The following KLHL8 variants were observed in gnomAD, a reference collection of about 807,000 sequenced individuals.
KLHL8 encodes the protein kelch-like protein 8.
Under a neutral mutation model 63.5 loss-of-function variants are expected in KLHL8, and 38 were observed. The ratio of observed to expected loss-of-function variants is 0.60; its 90% CI spans 0.46 to 0.78. The LOEUF (loss-of-function observed/expected upper bound fraction) is 0.78, where lower values mean the gene tolerates loss of function less well. KLHL8 is among the 30% of genes least tolerant of loss of function. The pLI is 0.00. For synonymous variants in KLHL8, 224 were observed against 254.3 expected, an observed-to-expected ratio of 0.88 and a Z score of 1.13; for missense variants, 566 against 752.4, an observed-to-expected ratio of 0.75 and a Z score of 2.90.
upstream of KLHL8, among the ~76,000 whole-genome samples, chr4:87,223,399 G>T (rs1732919306): frequency 6.6e-6 from 1 of 152,076 alleles, no homozygotes; most frequent in African/African-American, 2.4e-5. Flanking sequence ...ACAAATCAAA[G>T]AAATATACAC....
chr4:87,198,048 G>A (rs953334725), intron 1 of KLHL8, among the ~76,000 whole-genome samples: 4 of 150,976 alleles, frequency 2.6e-5, no homozygotes, highest in Admixed American at 2.6e-4. Flanking sequence ...GCCCGGTGCA[G>A]TGGCTCATGC....
At chr4:87,181,363 G>A (rs1430294287) in intron 4 of KLHL8, among the ~76,000 whole-genome samples, 2 of 151,676 alleles carry the variant, frequency 1.3e-5, no homozygotes, top group African/African-American at 2.4e-5. Flanking sequence ...CTGAGAAAGC[G>A]CCACTGCTCC....
chr4:87,238,621 T>C (rs1262956351), intron 1 of KLHL8, among the ~76,000 whole-genome samples: 1 of 152,198 alleles, frequency 6.6e-6, no homozygotes, highest in African/African-American at 2.4e-5. Flanking sequence ...AGAAAGAAAA[T>C]TGTTAATTTT....
chr4:87,207,104 G>A (rs1303706239), intron 1 of KLHL8: 7 of 507,802 alleles, frequency 1.4e-5, no homozygotes, highest in African/African-American at 1.9e-5. Context: ...GGTGATGGCC[G>A]GAGTCAACGG....
At chr4:87,216,633 T>C (rs533336315) in intron 1 of KLHL8, among the ~76,000 whole-genome samples, 1 of 152,284 alleles carries the variant, frequency 6.6e-6, no homozygotes, top group East Asian at 1.9e-4. Context: ...AGTAGAAAAT[T>C]TCCCAAGGTC....
At chr4:87,193,594 T>C (rs1021195932) in intron 2 of KLHL8, among the ~76,000 whole-genome samples, 1 of 152,090 alleles carries the variant, frequency 6.6e-6, no homozygotes, top group African/African-American at 2.4e-5. Context: ...CAATAAGAAG[T>C]AGAGTAAATA....
intron 7 of KLHL8, 81 bp downstream of exon 7, chr4:87,170,366 T>G (rs1392981458): frequency 6.9e-7 from 1 of 1,447,238 alleles, no homozygotes; most frequent in African/African-American, 1.4e-5. Context: ...TTCATACTGG[T>G]GATGATATAT....
chr4:87,185,826 C>T (rs1277614178), intron 2 of KLHL8, 27 bp from the exon 3 acceptor site: 1 of 1,523,630 alleles, frequency 6.6e-7, no homozygotes, highest in East Asian at 2.3e-5. Context: ...AAGAAAGATT[C>T]TGTTTAATAT....
chr4:87,201,068 A>C (rs1731901055), intron 1 of KLHL8, among the ~76,000 whole-genome samples: 1 of 152,208 alleles, frequency 6.6e-6, no homozygotes, highest in Non-Finnish European at 1.5e-5. Context: ...GATTCCACTT[A>C]TATGAGATAT....
At position 87,163,990 on chromosome 4, in the gene KLHL8, G is replaced by A; in HGVS notation, c.1627C>T (p.Pro543Ser). 1 of 1,614,162 alleles carries A rather than the reference G, an allele frequency of 6.2e-7. No homozygotes were observed. The highest frequency in any genetic ancestry group is 1.1e-5 in the South Asian group (1 of 91,084). The change falls in exon 9 of 10, where the codon CCC becomes TCC. Residue 543 changes from proline to serine, a missense_variant. Pro to Ser is a moderately conservative substitution (Grantham distance 74). Coordinates refer to ENST00000273963, the MANE Select transcript of KLHL8 (RefSeq NM_020803.5). ...GTTGCGATTCCCACTCCACCTCTGG[G>A]AGTAGTAAGTGCTGCCACATAATCC... ...KWDYVAALTT[P>S]RGGVGIATVM...
At chr4:87,219,465 T>C (rs191877983) in intron 1 of KLHL8, 70 of 148,540 alleles carry the variant, frequency 4.7e-4, no homozygotes, top group African/African-American at 1.7e-3. Flanking sequence ...TTTCCCAAAG[T>C]ATCCCTCTAA....
rs1337538482 is a variant in KLHL8, at chr4:87,170,527, A to C, written c.1297T>G (p.Tyr433Asp). Reference sequence around the variant, plus strand: ...CTCCACTGATCAGATTCTATGTCATATCTCTCCACATCATTGAAGCAAGTA... The same window carrying C: ...CTCCACTGATCAGATTCTATGTCATCTCTCTCCACATCATTGAAGCAAGTA... ...DNTCFNDVERYDIESDQWSTV... is the reference protein window; with the variant it reads ...DNTCFNDVERDDIESDQWSTV... The change falls in exon 7 of 10, where the codon TAT (tyrosine) becomes GAT (aspartate). Residue 433 changes from tyrosine (Y) to aspartate (D), a missense_variant. By Grantham distance (160) the Tyr-to-Asp change is radical (BLOSUM62 -3). Coordinates refer to ENST00000273963, the MANE Select transcript of KLHL8 (RefSeq NM_020803.5). The C allele has an allele frequency of 1.2e-6, 2 of 1,613,940 alleles. No individual in the cohort carries two copies. The highest frequency in any genetic ancestry group is 1.7e-6 in the Non-Finnish European group (2 of 1,179,954).
At chr4:87,200,190 G>T (rs1346013234) in intron 1 of KLHL8, among the ~76,000 whole-genome samples, 1 of 128,430 alleles carries the variant, frequency 7.8e-6, no homozygotes, top group Non-Finnish European at 1.7e-5. Flanking sequence ...GACTTGAATA[G>T]ACATTTCTCC....
At chr4:87,182,816 A>G (rs1450536362) in intron 4 of KLHL8, among the ~76,000 whole-genome samples, 1 of 152,224 alleles carries the variant, frequency 6.6e-6, no homozygotes, top group Non-Finnish European at 1.5e-5. Flanking sequence ...GATGCACAAT[A>G]TATTTCAAGT....
At chr4:87,206,125 G>T (rs925136279) in intron 1 of KLHL8, among the ~76,000 whole-genome samples, 9 of 152,014 alleles carry the variant, frequency 5.9e-5, no homozygotes, top group Non-Finnish European at 1.3e-4. Context: ...AATTCTCCTG[G>T]ATTCTACTTG....
chr4:87,168,975 A>T lies in KLHL8; in HGVS notation c.1537+1104T>A, dbSNP rs560274601. Among the ~76,000 whole-genome samples, 8 of 151,546 alleles carry T rather than the reference A, an allele frequency of 5.3e-5. No homozygotes were observed. The South Asian group carries it at 1.5e-3, about 28-fold the overall frequency. On this transcript the variant is annotated intron_variant, in intron 8 of 9. Coordinates refer to ENST00000273963, the MANE Select transcript of KLHL8 (RefSeq NM_020803.5). ...AGATTGTTAAAGTAAAAAAAAAAAA[A>T]AAAGCAATATAAACATTGACATGAC...
intron 1 of KLHL8, among the ~76,000 whole-genome samples, chr4:87,199,126 T>A (rs546291918): frequency 7.3e-5 from 11 of 151,624 alleles, no homozygotes; most frequent in South Asian, 6.3e-4. Context: ...AAGACACAAA[T>A]AGGTTAAAGG....
chr4:87,180,012 A>G (rs1284597839), intron 4 of KLHL8, among the ~76,000 whole-genome samples: 2 of 152,176 alleles, frequency 1.3e-5, no homozygotes, highest in Non-Finnish European at 2.9e-5. Context: ...AGGGGTGACC[A>G]CTTCCTTCAT....
chr4:87,204,802 T>G (rs558493208), intron 1 of KLHL8, among the ~76,000 whole-genome samples: 21 of 152,240 alleles, frequency 1.4e-4, no homozygotes, highest in Non-Finnish European at 2.6e-4. Flanking sequence ...CTGACAGGGA[T>G]GAGGGGCAGG....
Sources: allele counts gnomAD v4.1 joint callset (sites outside exome capture counted in the v4.1 genomes callset), GRCh38; gene constraint gnomAD v4.1.1; transcripts MANE v1.5; gene names NCBI Gene and HGNC (gene_info 2026-07-23, HGNC 2026-07-21).